The following PPP1R9A variants were observed in gnomAD, a reference collection of about 807,000 sequenced individuals.
PPP1R9A encodes neurabin-1.
PPP1R9A carries 59 observed loss-of-function variants against 141.9 expected under a neutral mutation model. The observed-to-expected ratio is 0.42, with a 90% CI of 0.34 to 0.52. The LOEUF is 0.52. PPP1R9A is among the 20% of genes least tolerant of loss of function. PPP1R9A has a pLI of 0.10. For synonymous variants in PPP1R9A, 500 were observed against 569.7 expected, an observed-to-expected ratio of 0.88 and a Z score of 1.74; for missense variants, 1,444 against 1,611.9, an observed-to-expected ratio of 0.90 and a Z score of 1.78.
intron 8 of PPP1R9A, among the ~76,000 whole-genome samples, chr7:95,228,823 T>C (rs1795506499): frequency 6.6e-6 from 1 of 152,190 alleles, no homozygotes; most frequent in African/African-American, 2.4e-5. Context: ...CAAGCCTTTT[T>C]TCTCATCCTC....
chr7:95,287,186 G>A lies in PPP1R9A; in HGVS notation c.3729+861G>A. 5 of 1,583,014 alleles carry A rather than the reference G, an allele frequency of 3.2e-6. No homozygotes were observed. The South Asian group carries it at 5.5e-5, about 18-fold the overall frequency. On this transcript the variant is annotated intron_variant, in intron 18 of 19. Coordinates refer to ENST00000433360, the MANE Select transcript of PPP1R9A (RefSeq NM_001166160.2). ...GGCTTGTGTGCTATTGTTTGAATGT[G>A]TTTTTTCGCTCTTTGGAGATGACTG...
At chr7:95,270,725 T>C (rs1036682616) in intron 14 of PPP1R9A, among the ~76,000 whole-genome samples, 1 of 152,190 alleles carries the variant, frequency 6.6e-6, no homozygotes, top group African/African-American at 2.4e-5. Context: ...ATAAAGTAAA[T>C]TGAACACTAT....
At chr7:94,987,478 T>A (rs1584133263) in intron 2 of PPP1R9A, among the ~76,000 whole-genome samples, 1 of 152,204 alleles carries the variant, frequency 6.6e-6, no homozygotes, top group African/African-American at 2.4e-5. Context: ...TCGTATCCTT[T>A]GAGCTAGTAA....
At chr7:94,981,739 A>G (rs978159179) in intron 2 of PPP1R9A, among the ~76,000 whole-genome samples, 8 of 152,020 alleles carry the variant, frequency 5.3e-5, no homozygotes, top group East Asian at 1.9e-4. Context: ...TAGTGTCCAT[A>G]TTTTCATAGC....
intron 2 of PPP1R9A, among the ~76,000 whole-genome samples, chr7:94,984,465 G>T (rs964696024): frequency 6.6e-6 from 1 of 151,862 alleles, no homozygotes; most frequent in African/African-American, 2.4e-5. Flanking sequence ...TGGTCTCGGA[G>T]TTTTTTTGGT....
intron 7 of PPP1R9A, among the ~76,000 whole-genome samples, chr7:95,204,766 ACAC>A (rs1790385889): frequency 8.1e-6 from 1 of 123,720 alleles, no homozygotes; most frequent in South Asian, 2.7e-4. Flanking sequence ...ATACCCACAA[ACAC>A]CACACACACA....
chr7:95,180,165 A>G (rs1833526217), intron 5 of PPP1R9A, among the ~76,000 whole-genome samples: 1 of 152,224 alleles, frequency 6.6e-6, no homozygotes, highest in African/African-American at 2.4e-5. Flanking sequence ...TGGTACTGGT[A>G]TAAAAATAGG....
chr7:94,950,783 G>C (rs1280066507), intron 2 of PPP1R9A, among the ~76,000 whole-genome samples: 3 of 152,088 alleles, frequency 2.0e-5, no homozygotes, highest in Non-Finnish European at 4.4e-5. Context: ...GTCTCACTTT[G>C]TTACCCAGGC....
intron 6 of PPP1R9A, among the ~76,000 whole-genome samples, chr7:95,201,143 A>C (rs1432627667): frequency 6.6e-6 from 1 of 152,216 alleles, no homozygotes; most frequent in East Asian, 1.9e-4. Flanking sequence ...TTCTCTATGC[A>C]ACAGTCCATA....
At chr7:94,965,787 G>T (rs1457618118) in intron 2 of PPP1R9A, among the ~76,000 whole-genome samples, 1 of 151,656 alleles carries the variant, frequency 6.6e-6, no homozygotes, top group African/African-American at 2.4e-5. Context: ...GCTTAGGATT[G>T]TCTTGGCTAT....
At chr7:95,107,140 T>G (rs1305671361) in intron 2 of PPP1R9A, among the ~76,000 whole-genome samples, 2 of 152,204 alleles carry the variant, frequency 1.3e-5, no homozygotes, top group Admixed American at 6.5e-5. Flanking sequence ...AGTATCTCCT[T>G]GTTTTAATTT....
intron 2 of PPP1R9A, among the ~76,000 whole-genome samples, chr7:94,996,059 A>G (rs1225454227): frequency 6.6e-6 from 1 of 152,160 alleles, no homozygotes; most frequent in African/African-American, 2.4e-5. Flanking sequence ...CCTTCTGAAT[A>G]CCCAGTCTAT....
chr7:95,237,381 A>G (rs930484473), intron 8 of PPP1R9A, among the ~76,000 whole-genome samples: 2 of 151,744 alleles, frequency 1.3e-5, no homozygotes, highest in African/African-American at 2.4e-5. Context: ...TTTTTAGTAG[A>G]GACGTGGTTT....
chr7:94,926,066 G>T (rs968589842), intron 2 of PPP1R9A, among the ~76,000 whole-genome samples: 3 of 151,992 alleles, frequency 2.0e-5, no homozygotes, highest in African/African-American at 7.3e-5. Context: ...GGGCTCAAGC[G>T]ATCCTCCCAC....
chr7:95,219,457 T>A (rs1204741045), intron 7 of PPP1R9A, among the ~76,000 whole-genome samples: 1 of 152,158 alleles, frequency 6.6e-6, no homozygotes, highest in Non-Finnish European at 1.5e-5. Flanking sequence ...TTGGAGTTGC[T>A]CTTCTCAAGG....
intron 18 of PPP1R9A, chr7:95,287,225 T>A (rs965419441): frequency 3.9e-5 from 56 of 1,440,088 alleles, no homozygotes; most frequent in Non-Finnish European, 4.7e-5. Flanking sequence ...AATCAGACAA[T>A]ACAAGAATAT....
At chr7:94,975,085 T>C (rs954886176) in intron 2 of PPP1R9A, among the ~76,000 whole-genome samples, 8 of 152,152 alleles carry the variant, frequency 5.3e-5, no homozygotes, top group Non-Finnish European at 7.4e-5. Context: ...AAATGAACTC[T>C]TCTCTTAATT....
intron 2 of PPP1R9A, among the ~76,000 whole-genome samples, chr7:95,081,041 A>G (rs1815742906): frequency 6.6e-6 from 1 of 152,216 alleles, no homozygotes; most frequent in African/African-American, 2.4e-5. Flanking sequence ...AAGACAAAGA[A>G]TAAGACTAGA....
intron 7 of PPP1R9A, among the ~76,000 whole-genome samples, chr7:95,207,700 A>G (rs1791135176): frequency 6.6e-6 from 1 of 152,176 alleles, no homozygotes; most frequent in African/African-American, 2.4e-5. Context: ...TTCACATATG[A>G]TGAGATTGTC....
Sources: gnomAD v4.1 joint callset for allele counts (sites outside exome capture counted in the v4.1 genomes callset) on GRCh38, gnomAD v4.1.1 for gene constraint, MANE v1.5 for transcripts, NCBI Gene and HGNC (gene_info 2026-07-23, HGNC 2026-07-21) for gene names.